CMSS1: variants seen among roughly 807,000 people sequenced by gnomAD.
CMSS1 encodes the protein protein CMSS1.
In CMSS1, 33 loss-of-function variants were observed where a neutral mutation model predicts 43.5. The ratio of observed to expected loss-of-function variants is 0.76; its 90% CI spans 0.57 to 1.01. The LOEUF is 1.01. Among genes scored for constraint, CMSS1 ranks in the 50% least tolerant of loss-of-function variants. The probability of loss-of-function intolerance (pLI) is 0.00; values close to 1 mark genes in which losing one functional copy is unlikely to be tolerated. For synonymous variants in CMSS1, 115 were observed against 117.2 expected, an observed-to-expected ratio of 0.98 and a Z score of 0.12; for missense variants, 313 against 326.4, an observed-to-expected ratio of 0.96 and a Z score of 0.32.
chr3:99,908,290 A>T (rs1706685670), intron 1 of CMSS1, among the ~76,000 whole-genome samples: 1 of 152,210 alleles, frequency 6.6e-6, no homozygotes, highest in African/African-American at 2.4e-5. Flanking sequence ...GGAAAAAGAG[A>T]TGCTATTTTC....
chr3:99,835,390 A>G (rs913082276), intron 1 of CMSS1, among the ~76,000 whole-genome samples: 7 of 152,240 alleles, frequency 4.6e-5, no homozygotes, highest in African/African-American at 1.7e-4. Context: ...GATCACCTGT[A>G]AAGTCCTTTG....
chr3:99,820,033 G>A (rs920561789), intron 1 of CMSS1, among the ~76,000 whole-genome samples: 3 of 152,008 alleles, frequency 2.0e-5, no homozygotes, highest in African/African-American at 4.8e-5. Context: ...GATTACAGGC[G>A]TGAGCCACCG....
intron 1 of CMSS1, among the ~76,000 whole-genome samples, chr3:100,095,326 C>T (rs910242073): frequency 4.6e-5 from 7 of 152,014 alleles, no homozygotes; most frequent in Non-Finnish European, 8.8e-5. Context: ...AGGGATAAAT[C>T]GACGTGTTTG....
At chr3:100,150,035 G>C (rs2066891398) in intron 2 of CMSS1, among the ~76,000 whole-genome samples, 1 of 151,904 alleles carries the variant, frequency 6.6e-6, no homozygotes, top group Admixed American at 6.6e-5. Context: ...ATCCCTGCCT[G>C]CCCACACAGT....
chr3:99,994,298 T>C lies in CMSS1; in HGVS notation c.65-152675T>C, dbSNP rs572303047. Among the ~76,000 whole-genome samples the C allele has an allele frequency of 2.6e-4, 40 of 152,316 alleles. 1 individual carries two copies. The South Asian group carries it at 7.9e-3, about 30-fold the overall frequency. On this transcript the variant is annotated intron_variant, in intron 1 of 9. Coordinates refer to ENST00000421999, the MANE Select transcript of CMSS1 (RefSeq NM_032359.4). ...AATACAATAATAGTAGGGGACTTTATTGTCCCACTCACAGCACTAGACAGA... is the reference window on the plus strand; with the variant it reads ...AATACAATAATAGTAGGGGACTTTACTGTCCCACTCACAGCACTAGACAGA...
At chr3:100,152,018 T>G (rs1322565509) in intron 2 of CMSS1, among the ~76,000 whole-genome samples, 1 of 152,188 alleles carries the variant, frequency 6.6e-6, no homozygotes, top group Non-Finnish European at 1.5e-5. Context: ...GTATAACCTT[T>G]ATTGACATTT....
intron 1 of CMSS1, among the ~76,000 whole-genome samples, chr3:99,831,967 G>A (rs987331762): frequency 6.6e-6 from 1 of 152,148 alleles, no homozygotes; most frequent in Non-Finnish European, 1.5e-5. Context: ...AGACAGATTG[G>A]TATGACACAC....
chr3:99,880,109 C>T (rs539809080), intron 1 of CMSS1, among the ~76,000 whole-genome samples: 2 of 152,206 alleles, frequency 1.3e-5, no homozygotes, highest in South Asian at 2.1e-4. Context: ...CAACTTAGGA[C>T]GAAGGCTGAA....
chr3:100,126,135 T>A (rs1470139541), intron 1 of CMSS1, among the ~76,000 whole-genome samples: 1 of 152,226 alleles, frequency 6.6e-6, no homozygotes, highest in East Asian at 1.9e-4. Context: ...GTCCTAGAAC[T>A]GTTCCTACAG....
At chr3:100,011,106 T>C (rs1000791240) in intron 1 of CMSS1, among the ~76,000 whole-genome samples, 1 of 152,178 alleles carries the variant, frequency 6.6e-6, no homozygotes, top group Non-Finnish European at 1.5e-5. Context: ...GCTTCTGATA[T>C]TAAGCACGAC....
At chr3:100,089,879 G>T (rs1385172452) in intron 1 of CMSS1, among the ~76,000 whole-genome samples, 1 of 152,188 alleles carries the variant, frequency 6.6e-6, no homozygotes, top group African/African-American at 2.4e-5. Context: ...AGCAAGTCTT[G>T]TCTTCCGTTT....
At chr3:99,991,836 A>ATGTG (rs112596171) in intron 1 of CMSS1, among the ~76,000 whole-genome samples, 6,471 of 143,390 alleles carry the variant, frequency 0.045, 177 homozygotes, top group Middle Eastern at 0.08. Flanking sequence ...ATATATATAT[A>ATGTG]TGTGTGTGTG....
At chr3:100,075,610 C>G (rs552438905) in intron 1 of CMSS1, 34 of 150,290 alleles carry the variant, frequency 2.3e-4, no homozygotes, top group African/African-American at 8.1e-4. Context: ...ATGGCAGACT[C>G]TGTTTTCTTT....
chr3:99,912,618 T>C (rs1443991286), intron 1 of CMSS1, among the ~76,000 whole-genome samples: 2 of 152,160 alleles, frequency 1.3e-5, no homozygotes, highest in African/African-American at 4.8e-5. Context: ...GCTCAAGCAG[T>C]CCACCTGCCT....
chr3:100,043,867 A>G (rs2065242435), intron 1 of CMSS1, among the ~76,000 whole-genome samples: 1 of 152,228 alleles, frequency 6.6e-6, no homozygotes, highest in East Asian at 1.9e-4. Flanking sequence ...GTTATTTTGA[A>G]TAACTGTAGT....
chr3:100,036,397 C>A (rs1489136699), intron 1 of CMSS1, among the ~76,000 whole-genome samples: 2 of 152,102 alleles, frequency 1.3e-5, no homozygotes, highest in African/African-American at 2.4e-5. Flanking sequence ...AAAAGGACAC[C>A]AGAGTTGGCT....
intron 1 of CMSS1, among the ~76,000 whole-genome samples, chr3:100,000,700 G>T (rs566122592): frequency 1.3e-5 from 2 of 152,158 alleles, no homozygotes; most frequent in Non-Finnish European, 1.5e-5. Context: ...GGGCGATAGC[G>T]CAAGACTCTG....
chr3:99,822,453 A>T (rs752945268), intron 1 of CMSS1, among the ~76,000 whole-genome samples: 4 of 152,192 alleles, frequency 2.6e-5, no homozygotes, highest in Non-Finnish European at 5.9e-5. Context: ...GCTTGCGGCC[A>T]GGCGCAGTGG....
intron 1 of CMSS1, chr3:99,850,371 G>C (rs1444056390): frequency 1.2e-6 from 2 of 1,612,510 alleles, no homozygotes; most frequent in Non-Finnish European, 8.5e-7. Flanking sequence ...GTTTGCTTTT[G>C]TTGAAAGCGT....
Sources: allele counts gnomAD v4.1 joint callset (sites outside exome capture counted in the v4.1 genomes callset), GRCh38; gene constraint gnomAD v4.1.1; transcripts MANE v1.5; gene names NCBI Gene and HGNC (gene_info 2026-07-23, HGNC 2026-07-21).